Variants in TEX36 observed in about 807,000 individuals in gnomAD.
The protein encoded by TEX36 is testis expressed 36, also known as testis-expressed protein 36.
Under a neutral mutation model 13.6 loss-of-function variants are expected in TEX36, and 12 were observed. The observed-to-expected ratio is 0.88, with a 90% CI of 0.56 to 1.43. The LOEUF is 1.43. TEX36 is among the 40% of genes most tolerant of loss of function. TEX36 has a pLI of 0.00. For missense variants in TEX36, 224 were observed against 228.3 expected (o/e 0.98, Z 0.12); for synonymous variants, 93 against 83.0 (o/e 1.12, Z -0.65).
At chr10:125,648,858 A>C (rs923192623) in intron 3 of TEX36, among the ~76,000 whole-genome samples, 2 of 152,258 alleles carry the variant, frequency 1.3e-5, no homozygotes, top group Non-Finnish European at 2.9e-5. Flanking sequence ...TACATGACGC[A>C]TGCACAAGCT....
At chr10:125,633,145 A>G (rs1846579244) in intron 3 of TEX36, among the ~76,000 whole-genome samples, 1 of 152,126 alleles carries the variant, frequency 6.6e-6, no homozygotes, top group Non-Finnish European at 1.5e-5. Flanking sequence ...AATTATATGC[A>G]TACTTCACTT....
intron 3 of TEX36, among the ~76,000 whole-genome samples, chr10:125,632,867 T>C (rs867592326): frequency 8.5e-5 from 13 of 152,182 alleles, no homozygotes; most frequent in South Asian, 2.1e-4. Flanking sequence ...GGTTCCCCTG[T>C]AATCCCAGCA....
At chr10:125,606,391 T>G (rs1846216293) in intron 3 of TEX36, among the ~76,000 whole-genome samples, 1 of 152,258 alleles carries the variant, frequency 6.6e-6, no homozygotes, top group Non-Finnish European at 1.5e-5. Flanking sequence ...AAAAACAGTT[T>G]AACCTTTAAA....
At chr10:125,676,569 A>G (rs1302100680) in intron 1 of TEX36, among the ~76,000 whole-genome samples, 1 of 152,030 alleles carries the variant, frequency 6.6e-6, no homozygotes, top group South Asian at 2.1e-4. Context: ...AATTCCATTC[A>G]GCCAGCCATT....
At chr10:125,639,145 A>T (rs1846654137) in intron 3 of TEX36, among the ~76,000 whole-genome samples, 2 of 152,344 alleles carry the variant, frequency 1.3e-5, no homozygotes, top group South Asian at 4.1e-4. Flanking sequence ...GCTCTTACAC[A>T]TATATCCAAA....
intron 3 of TEX36, among the ~76,000 whole-genome samples, chr10:125,589,145 T>G (rs933125518): frequency 6.6e-6 from 1 of 152,248 alleles, no homozygotes; most frequent in Non-Finnish European, 1.5e-5. Context: ...TTCTTTTTTC[T>G]GAGAACTACC....
intron 3 of TEX36, among the ~76,000 whole-genome samples, chr10:125,598,950 C>T (rs1846111937): frequency 6.6e-6 from 1 of 152,132 alleles, no homozygotes; most frequent in African/African-American, 2.4e-5. Context: ...TTGACCATAT[C>T]AACCCTATTT....
At chr10:125,635,481 A>T (rs1219361699) in intron 3 of TEX36, among the ~76,000 whole-genome samples, 1 of 152,250 alleles carries the variant, frequency 6.6e-6, no homozygotes, top group Non-Finnish European at 1.5e-5. Flanking sequence ...GACCAAGACC[A>T]GCCTTGACAA....
chr10:125,589,840 T>C (rs1846000917), intron 3 of TEX36, among the ~76,000 whole-genome samples: 1 of 152,170 alleles, frequency 6.6e-6, no homozygotes, highest in African/African-American at 2.4e-5. Context: ...CAGAATAATA[T>C]TGTCTGATGA....
intron 3 of TEX36, among the ~76,000 whole-genome samples, chr10:125,635,913 A>AC (rs1239370423): frequency 6.6e-6 from 1 of 151,946 alleles, no homozygotes; most frequent in Non-Finnish European, 1.5e-5. Flanking sequence ...AAGCTCTGTC[A>AC]CCCAGCCTCG....
intron 3 of TEX36, among the ~76,000 whole-genome samples, chr10:125,596,258 A>G (rs1846080981): frequency 6.6e-6 from 1 of 152,220 alleles, no homozygotes; most frequent in Non-Finnish European, 1.5e-5. Flanking sequence ...TGGATTATCA[A>G]GATGGGCCCA....
intron 3 of TEX36, among the ~76,000 whole-genome samples, chr10:125,626,880 T>C (rs971810440): frequency 6.6e-5 from 10 of 152,176 alleles, no homozygotes; most frequent in African/African-American, 1.9e-4. Context: ...CTAATGGCCT[T>C]GCACTTCCCT....
rs1240763456 is a variant in TEX36, at chr10:125,678,139, C to G, written c.51+4800G>C. Among the ~76,000 whole-genome samples, 4 of 152,358 alleles carry G rather than the reference C, an allele frequency of 2.6e-5. No individual in the cohort carries two copies. In the East Asian group the frequency reaches 7.7e-4, roughly 29 times the overall value. ...ATTGCTATCTGCACATCTGGTGTAA[C>G]AGTCTCTTCTTCCTATTTTTAAATT... On this transcript the variant is annotated intron_variant, in intron 1 of 3. Transcript: ENST00000368821.
intron 3 of TEX36, among the ~76,000 whole-genome samples, chr10:125,628,293 C>T (rs1180865749): frequency 6.6e-6 from 1 of 152,182 alleles, no homozygotes; most frequent in Non-Finnish European, 1.5e-5. Context: ...CATGTTCTGT[C>T]GAAAATGATT....
At chr10:125,612,745 G>A (rs1846305903) in intron 3 of TEX36, among the ~76,000 whole-genome samples, 1 of 151,584 alleles carries the variant, frequency 6.6e-6, no homozygotes, top group Non-Finnish European at 1.5e-5. Flanking sequence ...GTTACAAAGT[G>A]CATCTTTGAT....
At chr10:125,679,700 T>C (rs1847366221) in intron 1 of TEX36, among the ~76,000 whole-genome samples, 2 of 152,240 alleles carry the variant, frequency 1.3e-5, no homozygotes, top group Admixed American at 1.3e-4. Context: ...ACGTACGGTG[T>C]TTCCTGTCAC....
At chr10:125,636,847 G>A (rs1589765577) in intron 3 of TEX36, among the ~76,000 whole-genome samples, 2 of 152,278 alleles carry the variant, frequency 1.3e-5, no homozygotes, top group South Asian at 2.1e-4. Context: ...GACTGGAGGT[G>A]CAATGTGGTA....
intron 3 of TEX36, among the ~76,000 whole-genome samples, chr10:125,586,836 G>A (rs1163600126): frequency 6.6e-6 from 1 of 151,900 alleles, no homozygotes; most frequent in East Asian, 1.9e-4. Flanking sequence ...ATATGGCTTG[G>A]ATCTGTGTCC....
At chr10:125,662,992 A>G (rs1161050214) in intron 1 of TEX36, among the ~76,000 whole-genome samples, 1 of 152,218 alleles carries the variant, frequency 6.6e-6, no homozygotes, top group Non-Finnish European at 1.5e-5. Context: ...AATGGAAATT[A>G]AAAAGACAAG....
Sources: allele counts gnomAD v4.1 joint callset (sites outside exome capture counted in the v4.1 genomes callset), GRCh38; gene constraint gnomAD v4.1.1; transcripts MANE v1.5; gene names NCBI Gene and HGNC (gene_info 2026-07-23, HGNC 2026-07-21).